The following JMY variants were observed in gnomAD, a reference collection of about 807,000 sequenced individuals.
JMY encodes the protein junction mediating and regulatory protein, p53 cofactor.
A neutral mutation model predicts 103.3 loss-of-function variants in JMY; 46 were observed. The ratio of observed to expected loss-of-function variants is 0.45; its 90% CI spans 0.35 to 0.57. The LOEUF is 0.57. JMY is among the 20% of genes least tolerant of loss of function. The pLI is 0.00. For synonymous variants in JMY, 526 were observed against 489.3 expected (o/e 1.07, Z -0.99); for missense variants, 1,238 against 1,255.2 (o/e 0.99, Z 0.21).
intron 1 of JMY, among the ~76,000 whole-genome samples, chr5:79,258,544 G>A (rs921667163): frequency 3.9e-5 from 6 of 152,062 alleles, no homozygotes; most frequent in Middle Eastern, 3.2e-3. Context: ...GTCATGGAGC[G>A]GTGAGGGGTG....
At chr5:79,305,458 A>G (rs1426599046) in intron 6 of JMY, among the ~76,000 whole-genome samples, 2 of 152,152 alleles carry the variant, frequency 1.3e-5, no homozygotes, top group Admixed American at 6.6e-5. Context: ...CTCAAAAAAA[A>G]AAAGTGATCA....
chr5:79,284,166 T>A, intron 2 of JMY: 1 of 1,562,812 alleles, frequency 6.4e-7, no homozygotes, highest in African/African-American at 1.4e-5. Flanking sequence ...TTCAAAACCA[T>A]CAGCTCGTTC....
At chr5:79,249,954 C>T (rs1745026579) in intron 1 of JMY, among the ~76,000 whole-genome samples, 1 of 152,164 alleles carries the variant, frequency 6.6e-6, no homozygotes, top group Non-Finnish European at 1.5e-5. Context: ...GGTTCTTCAT[C>T]TCTAAAATGG....
Position 79,237,228 on chromosome 5 carries a change from T to C in JMY, c.578T>C (p.Ile193Thr), listed in dbSNP as rs1290312231. Residue 193 changes from isoleucine (I) to threonine (T), a missense_variant, in exon 1 of 11, where the codon ATA becomes ACA. Transcript: ENST00000396137. ...VSASGTVSEEIEVLEMVKEDE... is the reference protein window; with the variant it reads ...VSASGTVSEETEVLEMVKEDE... Reference sequence around the variant, plus strand: ...GCCTCTGGGACGGTCTCCGAGGAGATAGAGGTGCTGGAAATGGTGAAGGAG... The same window carrying C: ...GCCTCTGGGACGGTCTCCGAGGAGACAGAGGTGCTGGAAATGGTGAAGGAG... The C allele has an allele frequency of 3.2e-6, 5 of 1,550,430 alleles. No homozygotes were observed. The highest frequency in any genetic ancestry group is 3.5e-6 in the Non-Finnish European group (4 of 1,146,922).
intron 7 of JMY, 114 bp downstream of exon 7, chr5:79,306,575 C>CAGT: frequency 2.7e-6 from 2 of 749,572 alleles, no homozygotes; most frequent in Non-Finnish European, 2.3e-6. Flanking sequence ...AACATTAGTT[C>CAGT]AGTTTATATA....
chr5:79,240,584 C>CA (rs1170597610), intron 1 of JMY, among the ~76,000 whole-genome samples: 3 of 152,230 alleles, frequency 2.0e-5, no homozygotes, highest in African/African-American at 7.2e-5. Context: ...GCTAGGATTA[C>CA]AGGCGTGAAC....
intron 1 of JMY, among the ~76,000 whole-genome samples, chr5:79,269,124 T>TTTTTTTTTTTTTTGAGACGGAGTCTCG (rs1561297015): frequency 2.6e-5 from 4 of 152,120 alleles, no homozygotes; most frequent in African/African-American, 9.7e-5. Flanking sequence ...TTTATAGTTT[T>TTTTTTTTTTTTTTGAGACGGAGTCTCG]CAGTTTTACA....
intron 2 of JMY, among the ~76,000 whole-genome samples, chr5:79,286,845 T>C (rs73769607): frequency 3.3e-5 from 5 of 152,334 alleles, no homozygotes; most frequent in African/African-American, 1.2e-4. Flanking sequence ...ATAAAGAATT[T>C]GTTAATTAGG....
rs1053274282 is a variant in JMY, at chr5:79,325,553, A to G, written c.*3951A>G. 3 of 152,190 alleles carry G rather than the reference A, an allele frequency of 2.0e-5. No individual in the cohort carries two copies. The highest frequency in any genetic ancestry group is 1.3e-4 in the Admixed American group (2 of 15,282). The allele number at this position is 152,190 out of a possible 1,614,324, so 9.4% of individuals were successfully genotyped here. ...TACTGCTTAGCATAGAAAAAGAGCT[A>G]TGGTTAGAGGAGTGACCAGCAAGAT... On this transcript the variant is annotated 3_prime_UTR_variant, in exon 11 of 11. Coordinates refer to ENST00000396137, the MANE Select transcript of JMY (RefSeq NM_152405.5).
chr5:79,283,967 G>A (rs1409660919), intron 2 of JMY, among the ~76,000 whole-genome samples: 1 of 152,102 alleles, frequency 6.6e-6, no homozygotes, highest in African/African-American at 2.4e-5. Context: ...AGTGCAAAAA[G>A]CGTGTTTGTA....
At chr5:79,259,584 T>C (rs1745355218) in intron 1 of JMY, among the ~76,000 whole-genome samples, 1 of 152,226 alleles carries the variant, frequency 6.6e-6, no homozygotes, top group Non-Finnish European at 1.5e-5. Flanking sequence ...GGGCCAGCGC[T>C]GAGCTGCCCT....
At chr5:79,304,438 C>T (rs1746823800) in intron 6 of JMY, among the ~76,000 whole-genome samples, 1 of 152,152 alleles carries the variant, frequency 6.6e-6, no homozygotes, top group Non-Finnish European at 1.5e-5. Context: ...TCATGTCCTG[C>T]CTCACCCCTT....
At chr5:79,245,449 C>T (rs966468644) in intron 1 of JMY, among the ~76,000 whole-genome samples, 4 of 151,986 alleles carry the variant, frequency 2.6e-5, no homozygotes, top group East Asian at 1.9e-4. Context: ...GGATATGGCT[C>T]GGGAAAAATC....
chr5:79,236,907 G>C lies in JMY; in HGVS notation c.257G>C (p.Gly86Ala). 7.4e-7 allele frequency: 1 copy of C among 1,357,040 alleles called. No homozygotes were observed. The highest frequency in any genetic ancestry group is 9.4e-7 in the Non-Finnish European group (1 of 1,059,640). 84.1% of individuals were successfully genotyped at this position (1,357,040 alleles called of 1,614,324 possible). ...AGCCGCGGGCCCGGCAGCCCGGCGG[G>C]CAGGGGTCGGCCCGAGGCCACTGCC... is the stretch of plus-strand genomic sequence containing the variant. ...DGSRGPGSPA[G>A]RGRPEATASA... Residue 86 changes from glycine (G) to alanine (A), a missense_variant, in exon 1 of 11, where the codon GGC (glycine) becomes GCC (alanine). Transcript: ENST00000396137.
At chr5:79,284,812 G>A in intron 2 of JMY, 3 of 1,577,808 alleles carry the variant, frequency 1.9e-6, no homozygotes, top group Non-Finnish European at 2.6e-6. Context: ...GAACATAGCA[G>A]GTGCTTTCAC....
At position 79,324,489 on chromosome 5, in the gene JMY, TA is replaced by T. The variant is rs1747566882; in HGVS notation, c.*2890del. ...ATGCATTTAAAATAGGTAAAACAAG[TA>T]AATGAGTTTGGGACATTTTGAGATT... On this transcript the variant is annotated 3_prime_UTR_variant, in exon 11 of 11. Transcript: ENST00000396137. 6.6e-6 allele frequency: 1 copy of T among 152,214 alleles called. No homozygotes were observed. The highest frequency in any genetic ancestry group is 1.5e-5 in the Non-Finnish European group (1 of 68,030). 9.4% of individuals were successfully genotyped at this position (152,214 alleles called of 1,614,324 possible).
At chr5:79,258,594 G>A (rs1005163445) in intron 1 of JMY, among the ~76,000 whole-genome samples, 1 of 152,180 alleles carries the variant, frequency 6.6e-6, no homozygotes, top group African/African-American at 2.4e-5. Flanking sequence ...ATACAACCAG[G>A]CACTCTGGCG....
chr5:79,287,107 G>C (rs563025104), intron 2 of JMY, among the ~76,000 whole-genome samples: 6 of 152,278 alleles, frequency 3.9e-5, no homozygotes, highest in Non-Finnish European at 8.8e-5. Flanking sequence ...GGTTTGTCTT[G>C]GGGGTTGTAC....
At chr5:79,244,818 T>C (rs1158013789) in intron 1 of JMY, among the ~76,000 whole-genome samples, 1 of 149,690 alleles carries the variant, frequency 6.7e-6, no homozygotes, top group African/African-American at 2.5e-5. Context: ...TAAATAATAG[T>C]TCTTGTAACT....
Sources: allele counts gnomAD v4.1 joint callset (sites outside exome capture counted in the v4.1 genomes callset), GRCh38; gene constraint gnomAD v4.1.1; transcripts MANE v1.5; gene names NCBI Gene and HGNC (gene_info 2026-07-23, HGNC 2026-07-21).